Variants in MACROH2A1 observed in about 807,000 individuals in gnomAD.
MACROH2A1 encodes macroH2A.1 histone.
A neutral mutation model predicts 31.6 loss-of-function variants in MACROH2A1; 2 were observed. The ratio of observed to expected loss-of-function variants is 0.06; its 90% CI spans 0.03 to 0.20. The LOEUF is 0.20. Among genes scored for constraint, MACROH2A1 ranks in the 10% least tolerant of loss-of-function variants. The pLI is 1.00. For missense variants in MACROH2A1, 230 were observed against 474.0 expected, an observed-to-expected ratio of 0.49 and a Z score of 4.78; for synonymous variants, 169 against 189.6, an observed-to-expected ratio of 0.89 and a Z score of 0.89.
chr5:135,380,281 G>C (rs182687042), intron 2 of MACROH2A1, among the ~76,000 whole-genome samples: 1 of 152,194 alleles, frequency 6.6e-6, no homozygotes, highest in Non-Finnish European at 1.5e-5. Flanking sequence ...GCTCTGATGT[G>C]AGGCACGTCA....
intron 2 of MACROH2A1, among the ~76,000 whole-genome samples, chr5:135,387,571 T>C (rs1766587831): frequency 6.6e-6 from 1 of 152,210 alleles, no homozygotes; most frequent in Non-Finnish European, 1.5e-5. Flanking sequence ...TACTCTTTCC[T>C]GATCAGACCC....
At position 135,389,191 on chromosome 5, in the gene MACROH2A1, C is replaced by T. The variant is rs568888844; in HGVS notation, c.-33-65G>A. 7.1e-6 allele frequency: 9 copies of T among 1,269,464 alleles called. No individual in the cohort carries two copies. In the Admixed American group the frequency reaches 8.5e-5, roughly 12 times the overall value. 78.6% of individuals were successfully genotyped at this position (1,269,464 alleles called of 1,614,324 possible). On this transcript the variant is annotated intron_variant, in intron 1 of 8. Transcript: ENST00000511689. ...ACAGCACATGTCCCCTTTCCAGGTA[C>T]ACTCTAGTCCCCTGGAAGGCCCCAG...
At chr5:135,340,310 T>A (rs980609541) in intron 8 of MACROH2A1, among the ~76,000 whole-genome samples, 4 of 152,072 alleles carry the variant, frequency 2.6e-5, no homozygotes, top group Non-Finnish European at 5.9e-5. Context: ...TGTGAGATAA[T>A]GCAGATAAAG....
chr5:135,373,881 C>T (rs1764509094), intron 2 of MACROH2A1, among the ~76,000 whole-genome samples: 1 of 152,184 alleles, frequency 6.6e-6, no homozygotes, highest in Non-Finnish European at 1.5e-5. Context: ...CACCTTCCAG[C>T]TAGTTAAGCA....
chr5:135,390,144 G>T (rs1767011931), intron 1 of MACROH2A1, among the ~76,000 whole-genome samples: 1 of 152,230 alleles, frequency 6.6e-6, no homozygotes, highest in South Asian at 2.1e-4. Flanking sequence ...TTTTCTCCCT[G>T]CCTGGGCAGT....
At chr5:135,356,844 G>T (rs1207725106) in intron 5 of MACROH2A1, 1 of 152,210 alleles carries the variant, frequency 6.6e-6, no homozygotes, top group African/African-American at 2.4e-5. Context: ...GTTAATGAAA[G>T]TGGCTGTTAA....
intron 8 of MACROH2A1, among the ~76,000 whole-genome samples, chr5:135,341,500 A>C (rs1013766093): frequency 1.3e-5 from 2 of 152,234 alleles, no homozygotes; most frequent in Admixed American, 6.5e-5. Context: ...GCAACCAGAG[A>C]TCTTTCCCCA....
intron 4 of MACROH2A1, chr5:135,362,190 ATTGAG>A (rs1473019267): frequency 3.3e-5 from 5 of 152,366 alleles, no homozygotes; most frequent in Middle Eastern, 3.4e-3. Flanking sequence ...GCAATACCTA[ATTGAG>A]TTAACAGCTG....
chr5:135,350,273 G>C (rs1761357845), intron 6 of MACROH2A1, among the ~76,000 whole-genome samples: 1 of 152,180 alleles, frequency 6.6e-6, no homozygotes, highest in South Asian at 2.1e-4. Context: ...TGATTTTCAT[G>C]TACCTGAAGT....
At position 135,398,801 on chromosome 5, in the gene MACROH2A1, C is replaced by T. The variant is rs1459004014; in HGVS notation, c.-34+261G>A. 6.6e-6 allele frequency among the ~76,000 whole-genome samples: 1 copy of T among 152,220 alleles called. No individual in the cohort carries two copies. The highest frequency in any genetic ancestry group is 1.5e-5 in the Non-Finnish European group (1 of 68,038). On this transcript the variant is annotated intron_variant, in intron 1 of 8. Transcript: ENST00000511689. The surrounding 1 kb of genome is among the most constrained non-coding windows in gnomAD (Gnocchi z 4.6). ...TCCCACAAAAGCGCCCAGGCGCGGG[C>T]AGGGGGATGCGTTTCGAAGAGAAGT... is the stretch of plus-strand genomic sequence containing the variant.
intron 8 of MACROH2A1, among the ~76,000 whole-genome samples, chr5:135,336,864 A>C (rs891803113): frequency 6.6e-6 from 1 of 152,154 alleles, no homozygotes; most frequent in African/African-American, 2.4e-5. Flanking sequence ...GAGGAGATAA[A>C]AACTCAATCT....
At chr5:135,378,033 C>T (rs189622385) in intron 2 of MACROH2A1, among the ~76,000 whole-genome samples, 2 of 152,290 alleles carry the variant, frequency 1.3e-5, no homozygotes, top group African/African-American at 4.8e-5. Flanking sequence ...ATGCTGAGGA[C>T]TGCTTGTCTA....
chr5:135,355,289 C>T (rs1365062549), intron 5 of MACROH2A1: 1 of 455,994 alleles, frequency 2.2e-6, no homozygotes, highest in African/African-American at 2.0e-5. Flanking sequence ...TTTGGACTCA[C>T]TACCTTCCCT....
rs1360274910 is a variant in MACROH2A1 at position 135,369,620 on chromosome 5, A to T, written c.280-17T>A. The T allele has an allele frequency of 6.2e-7, 1 of 1,600,442 alleles. No individual in the cohort carries two copies. The highest frequency in any genetic ancestry group is 8.6e-7 in the Non-Finnish European group (1 of 1,168,518). On this transcript the variant is annotated splice_polypyrimidine_tract_variant and intron_variant, in intron 3 of 8. Coordinates refer to ENST00000511689, the MANE Select transcript of MACROH2A1 (RefSeq NM_138610.3). This position sits in a 1 kb window ranked among gnomAD's most constrained non-coding sequence, Gnocchi z 4.3. ...TTTTAGCAGCTTTCAGGAAAACCAG[A>T]ATAGCAGATAGTGAGCCAGATACCC...
At chr5:135,357,876 T>C in intron 5 of MACROH2A1, 4 of 985,266 alleles carry the variant, frequency 4.1e-6, no homozygotes, top group Non-Finnish European at 4.8e-6. Flanking sequence ...GCCTGGGCCA[T>C]GCTTCCTGAG....
In MACROH2A1 at chr5:135,358,499, A is replaced by G. The variant is rs1035217539; in HGVS notation, c.588+1998T>C. 4.1e-6 allele frequency: 4 copies of G among 985,236 alleles called. No homozygotes were observed. In the African/African-American group the frequency reaches 7.0e-5, roughly 17 times the overall value. 61.0% of individuals were successfully genotyped at this position (985,236 alleles called of 1,614,324 possible). A position where few individuals can be genotyped will look rare whatever the true frequency, so the allele number is the denominator to read the frequency against. On this transcript the variant is annotated intron_variant, in intron 5 of 8. Transcript: ENST00000511689. ...GCCTGGTGTTTTGTTTTCACCACTA[A>G]AAAGGGGGTGATATGGGAAAGAAGG...
chr5:135,371,259 G>A (rs1040684526), intron 2 of MACROH2A1, among the ~76,000 whole-genome samples: 14 of 152,304 alleles, frequency 9.2e-5, no homozygotes, highest in Middle Eastern at 3.4e-3. Context: ...GTTAGAAGAA[G>A]TTTTAATGAT....
chr5:135,348,083 A>G (rs1336801088), intron 6 of MACROH2A1, among the ~76,000 whole-genome samples: 1 of 152,258 alleles, frequency 6.6e-6, no homozygotes, highest in Non-Finnish European at 1.5e-5. Flanking sequence ...AAGTTAAAAT[A>G]CACTTAAATG....
At chr5:135,335,775 TG>T (rs1758555279) in intron 8 of MACROH2A1, among the ~76,000 whole-genome samples, 1 of 152,240 alleles carries the variant, frequency 6.6e-6, no homozygotes, top group Admixed American at 6.5e-5. Context: ...TGGCAATTTT[TG>T]GAGGTAGGTG....
Sources: gnomAD v4.1 joint callset for allele counts (sites outside exome capture counted in the v4.1 genomes callset) on GRCh38, gnomAD v4.1.1 for gene constraint, Gnocchi (gnomAD v3.1) non-coding constraint, MANE v1.5 for transcripts, NCBI Gene and HGNC (gene_info 2026-07-23, HGNC 2026-07-21) for gene names.